The following CASKIN2 variants were observed in gnomAD, a reference collection of about 807,000 sequenced individuals.
CASKIN2 encodes the protein CASK interacting protein 2, also known as caskin-2.
CASKIN2 carries 41 observed loss-of-function variants against 107.1 expected under a neutral mutation model. The observed-to-expected ratio is 0.38, with a 90% CI of 0.30 to 0.50. The LOEUF (loss-of-function observed/expected upper bound fraction) is 0.50, where lower values mean the gene tolerates loss of function less well. Ranked by LOEUF, CASKIN2 falls within the 20% of genes least tolerant of loss-of-function variation. The pLI, the probability that CASKIN2 is intolerant of heterozygous loss-of-function variation, is 0.92. For synonymous variants in CASKIN2, 724 were observed against 705.6 expected (o/e 1.03, Z -0.41); for missense variants, 1,546 against 1,657.4 (o/e 0.93, Z 1.17).
At position 75,504,270 on chromosome 17, in the gene CASKIN2, G is replaced by C; in HGVS notation, c.1412C>G (p.Ser471Cys). The change falls in exon 14 of 20, where the codon TCT (serine) becomes TGT (cysteine). Residue 471 changes from serine (S) to cysteine (C), a missense_variant. Ser to Cys is a moderately radical substitution (Grantham distance 112). Transcript: ENST00000321617. ...GTCCTGGGTGAAGATCTGCTCCCCAGAGCGGCAGTTGGCCAGAGGGCGGTG... is the reference window on the plus strand; with the variant it reads ...GTCCTGGGTGAAGATCTGCTCCCCACAGCGGCAGTTGGCCAGAGGGCGGTG... ...LSHRPLANCRSGEQIFTQDVR... is the reference protein window; with the variant it reads ...LSHRPLANCRCGEQIFTQDVR... The C allele has an allele frequency of 6.2e-7, 1 of 1,607,390 alleles. No individual in the cohort carries two copies. The highest frequency in any genetic ancestry group is 8.5e-7 in the Non-Finnish European group (1 of 1,177,484).
intron 3 of CASKIN2, 129 bp downstream of exon 3, chr17:75,508,105 T>A: frequency 9.6e-7 from 1 of 1,045,692 alleles, no homozygotes; most frequent in Non-Finnish European, 1.4e-6. Context: ...TCGCAGCAAA[T>A]ACACTTCCAG....
At chr17:75,508,161 C>T in intron 3 of CASKIN2, 73 bp downstream of exon 3, 1 of 1,522,926 alleles carries the variant, frequency 6.6e-7, no homozygotes, top group Non-Finnish European at 9.1e-7. Context: ...AGGATCTTTC[C>T]CTCCAGCCCC....
Position 75,502,092 on chromosome 17 carries a change from G to A in CASKIN2, c.2982C>T (p.Pro994=). ...GCAGTGGCTCTCTCTCCCGGCACTTGGGCCTCCGCTTAACAGTGTCTGATT... is the reference window on the plus strand; with the variant it reads ...GCAGTGGCTCTCTCTCCCGGCACTTAGGCCTCCGCTTAACAGTGTCTGATT... ...LTESDTVKRR[P]KCREREPLQT... is the part of the protein sequence containing the mutation. The change falls in exon 18 of 20, where the codon CCC becomes CCT. Residue 994 remains proline (P), a synonymous_variant. Coordinates refer to ENST00000321617, the MANE Select transcript of CASKIN2 (RefSeq NM_020753.5). The surrounding 1 kb of genome is among the most constrained non-coding windows in gnomAD (Gnocchi z 4.3). 6.2e-7 allele frequency: 1 copy of A among 1,610,042 alleles called. No homozygotes were observed. The highest frequency in any genetic ancestry group is 8.5e-7 in the Non-Finnish European group (1 of 1,179,892).
At chr17:75,504,550 G>A in intron 12 of CASKIN2, 22 bp downstream of exon 12, 2 of 1,594,846 alleles carry the variant, frequency 1.3e-6, no homozygotes, top group Non-Finnish European at 1.7e-6. Context: ...CCCTGACCTG[G>A]TCCGTGACCC....
chr17:75,507,885 C>T (rs144501673), intron 3 of CASKIN2: 16 of 578,590 alleles, frequency 2.8e-5, no homozygotes, highest in East Asian at 1.7e-4. Flanking sequence ...CCGTTTGTCT[C>T]GCCCCCCCGC....
chr17:75,500,867 C>T lies in CASKIN2; in HGVS notation c.*213G>A. ...CCCTGGGAGGGGCTTTGCTGAGATGCAGCGGAGGTCCCTCGCTAGTCAGGT... is the reference window on the plus strand; with the variant it reads ...CCCTGGGAGGGGCTTTGCTGAGATGTAGCGGAGGTCCCTCGCTAGTCAGGT... On this transcript the variant is annotated 3_prime_UTR_variant, in exon 20 of 20. Coordinates refer to ENST00000321617, the MANE Select transcript of CASKIN2 (RefSeq NM_020753.5). The T allele has an allele frequency of 3.6e-6, 2 of 562,744 alleles. No homozygotes were observed. The highest frequency in any genetic ancestry group is 6.4e-6 in the Non-Finnish European group (2 of 312,752). 34.9% of individuals were successfully genotyped at this position (562,744 alleles called of 1,614,324 possible). A position where few individuals can be genotyped will look rare whatever the true frequency, so the allele number is the denominator to read the frequency against.
chr17:75,509,439 C>G (rs918164605), intron 2 of CASKIN2: 2 of 383,678 alleles, frequency 5.2e-6, no homozygotes, highest in Non-Finnish European at 7.1e-6. Context: ...GAGGGACCAA[C>G]CTGGCAGTAG....
At chr17:75,507,722 G>T (rs756286602) in intron 3 of CASKIN2, 41 bp from the exon 4 acceptor site, 25 of 1,457,484 alleles carry the variant, frequency 1.7e-5, no homozygotes, top group Non-Finnish European at 2.4e-5. Flanking sequence ...TTGGTGGGCA[G>T]CCCCCACCCC....
chr17:75,505,366 T>C lies in CASKIN2; in HGVS notation c.930+191A>G, dbSNP rs2053253845. The C allele has an allele frequency of 1.6e-6, 1 of 644,362 alleles. No individual in the cohort carries two copies. Among genetic ancestry groups the C allele is most frequent in the Admixed American group, 2.8e-5 (1 of 35,304 alleles). 39.9% of individuals were successfully genotyped at this position (644,362 alleles called of 1,614,324 possible). A position where few individuals can be genotyped will look rare whatever the true frequency, so the allele number is the denominator to read the frequency against. The stretch of plus-strand genomic sequence containing the variant: ...TCACTTGAATTTCTCTTGATTTTAT[T>C]TTGTTTAATTCTCAATTTTGTCATC... On this transcript the variant is annotated intron_variant, in intron 10 of 19. Transcript: ENST00000321617. This position sits in a 1 kb window ranked among gnomAD's most constrained non-coding sequence, Gnocchi z 5.1.
intron 2 of CASKIN2, among the ~76,000 whole-genome samples, chr17:75,510,853 G>C (rs2053310363): frequency 6.6e-6 from 1 of 152,012 alleles, no homozygotes; most frequent in African/African-American, 2.4e-5. Context: ...ACTCCTTCCT[G>C]TGCACAGGGC....
chr17:75,514,055 T>C lies in CASKIN2; in HGVS notation c.-251A>G. ...GGTGAAGGCTACATGGAAATCTGGATGGATATCAGCTTGTGGCTTCCGACA... is the reference window on the plus strand; with the variant it reads ...GGTGAAGGCTACATGGAAATCTGGACGGATATCAGCTTGTGGCTTCCGACA... On this transcript the variant is annotated 5_prime_UTR_variant, in exon 2 of 20. Transcript: ENST00000321617. 1.7e-6 allele frequency: 1 copy of C among 584,336 alleles called. No homozygotes were observed. 36.2% of individuals were successfully genotyped at this position (584,336 alleles called of 1,614,324 possible). A position where few individuals can be genotyped will look rare whatever the true frequency, so the allele number is the denominator to read the frequency against.
intron 17 of CASKIN2, 24 bp downstream of exon 17, chr17:75,503,365 G>C (rs2053225633): frequency 6.2e-7 from 1 of 1,602,452 alleles, no homozygotes; most frequent in African/African-American, 1.3e-5. Flanking sequence ...TGGGGGCCCA[G>C]CCAGGCCTCA....
rs749595067 is a variant in CASKIN2, at chr17:75,503,779, C to G, written c.1579-19G>C. 1 of 1,612,032 alleles carries G rather than the reference C, an allele frequency of 6.2e-7. No homozygotes were observed. Among genetic ancestry groups the G allele is most frequent in the Non-Finnish European group, 8.5e-7 (1 of 1,179,734 alleles). On this transcript the variant is annotated intron_variant, in intron 15 of 19. Coordinates refer to ENST00000321617, the MANE Select transcript of CASKIN2 (RefSeq NM_020753.5). ...TCAGGTCCTGCCACACAAAGTCTGG[C>G]CATCAGGCCCCTCCCCCGCCTGCTG...
Position 75,513,935 on chromosome 17 carries a change from G to GT in CASKIN2, c.-132dup, listed in dbSNP as rs1178196450. 2 of 700,638 alleles carry GT rather than the reference G, an allele frequency of 2.9e-6. No individual in the cohort carries two copies. Among genetic ancestry groups the GT allele is most frequent in the African/African-American group, 3.5e-5 (2 of 56,960 alleles). 43.4% of individuals were successfully genotyped at this position (700,638 alleles called of 1,614,324 possible). On this transcript the variant is annotated 5_prime_UTR_variant, in exon 2 of 20. Coordinates refer to ENST00000321617, the MANE Select transcript of CASKIN2 (RefSeq NM_020753.5). ...CCGGTTCCGGGGGAGCAAGTCAGGTGTCCCAGGCAGTGGGCTCCTCGTCAG... is the reference window on the plus strand; with the variant it reads ...CCGGTTCCGGGGGAGCAAGTCAGGTGTTCCCAGGCAGTGGGCTCCTCGTCAG...
Position 75,506,009 on chromosome 17 carries a change from G to A in CASKIN2, c.727-80C>T. 2.4e-6 allele frequency: 3 copies of A among 1,250,514 alleles called. No individual in the cohort carries two copies. The highest frequency in any genetic ancestry group is 4.9e-5 in the East Asian group (2 of 40,796). 77.5% of individuals were successfully genotyped at this position (1,250,514 alleles called of 1,614,324 possible). Reference sequence around the variant, plus strand: ...GATTCTCTCAGCTACCCGGGACATAGGTACTATTACCATTTTCCGATTTTA... The same window carrying A: ...GATTCTCTCAGCTACCCGGGACATAAGTACTATTACCATTTTCCGATTTTA... On this transcript the variant is annotated intron_variant, in intron 8 of 19. Coordinates refer to ENST00000321617, the MANE Select transcript of CASKIN2 (RefSeq NM_020753.5). The surrounding 1 kb of genome is among the most constrained non-coding windows in gnomAD (Gnocchi z 4.8).
chr17:75,501,220 A>T lies in CASKIN2; in HGVS notation c.3519-50T>A, dbSNP rs1598460758. 4.7e-6 allele frequency: 7 copies of T among 1,493,614 alleles called. No homozygotes were observed. The Admixed American group carries it at 1.4e-4, about 30-fold the overall frequency. 92.5% of individuals were successfully genotyped at this position (1,493,614 alleles called of 1,614,324 possible). On this transcript the variant is annotated intron_variant, in intron 19 of 19. Transcript: ENST00000321617. ...CAGATCAGCCAGTGGCCTGCACCCC[A>T]CTGGCCCTGGGGCAGGGAGCTGTCA...
intron 2 of CASKIN2, among the ~76,000 whole-genome samples, chr17:75,510,579 A>G (rs1381646772): frequency 6.6e-6 from 1 of 151,896 alleles, no homozygotes; most frequent in African/African-American, 2.4e-5. Context: ...AGGAGTCTAC[A>G]CTTTTATTTT....
In CASKIN2 at chr17:75,503,374, C is replaced by T. The variant is rs1212180492; in HGVS notation, c.1819+15G>A. The T allele has an allele frequency of 8.7e-6, 14 of 1,609,150 alleles. No individual in the cohort carries two copies. The highest frequency in any genetic ancestry group is 1.2e-5 in the Non-Finnish European group (14 of 1,177,458). On this transcript the variant is annotated intron_variant, in intron 17 of 19. Transcript: ENST00000321617. ...GGCAGGTGGGGGCCCAGCCAGGCCT[C>T]AGGACAGTCCTTACCGAGCTTGTTG...
chr17:75,506,351 T>G lies in CASKIN2; in HGVS notation c.680A>C (p.Glu227Ala), dbSNP rs769338739. 1.9e-6 allele frequency: 3 copies of G among 1,611,970 alleles called. No homozygotes were observed. The Admixed American group carries it at 5.0e-5, about 27-fold the overall frequency. ...RQTKTGTALH[E>A]AALYGKTEVV... ...CTCGGTCTTGCCATACAGTGCGGCC[T>G]CGTGGAGCGCCGTACCCGTCTTGGT... Residue 227 changes from glutamate (E) to alanine (A), a missense_variant, in exon 8 of 20, where the codon GAG becomes GCG. Physicochemically the swap from Glu to Ala is moderately radical, Grantham distance 107. Around this residue, in one of 6 missense-constraint regions of CASKIN2, gnomAD observed 62 missense variants for 81.1 expected, o/e 0.76. Transcript: ENST00000321617. The surrounding 1 kb of genome is among the most constrained non-coding windows in gnomAD (Gnocchi z 4.8).
Sources: gnomAD v4.1 joint callset for allele counts (sites outside exome capture counted in the v4.1 genomes callset) on GRCh38, gnomAD v4.1.1 for gene constraint, gnomAD v4.1.1 regional missense constraint, Gnocchi (gnomAD v3.1) non-coding constraint, MANE v1.5 for transcripts, NCBI Gene and HGNC (gene_info 2026-07-23, HGNC 2026-07-21) for gene names.